Variants in LAMC1 observed in about 807,000 individuals in gnomAD.
LAMC1 encodes laminin subunit gamma 1.
Under a neutral mutation model 173.6 loss-of-function variants are expected in LAMC1, and 38 were observed. The observed-to-expected ratio is 0.22, with a 90% CI of 0.17 to 0.29. The LOEUF is 0.29. Among genes scored for constraint, LAMC1 ranks in the 10% least tolerant of loss-of-function variants. The probability of loss-of-function intolerance (pLI) is 1.00; values close to 1 mark genes in which losing one functional copy is unlikely to be tolerated. For missense variants in LAMC1, 1,824 were observed against 2,051.8 expected, an observed-to-expected ratio of 0.89 and a Z score of 2.14; for synonymous variants, 746 against 749.1, an observed-to-expected ratio of 1.00 and a Z score of 0.07.
chr1:183,123,175 G>T (rs958796802), intron 13 of LAMC1, among the ~76,000 whole-genome samples: 2 of 152,050 alleles, frequency 1.3e-5, no homozygotes, highest in African/African-American at 4.8e-5. Flanking sequence ...AAACCTTAGG[G>T]CCTATACTTG....
intron 1 of LAMC1, among the ~76,000 whole-genome samples, chr1:183,065,019 C>G (rs142996298): frequency 6.6e-6 from 1 of 152,188 alleles, no homozygotes; most frequent in East Asian, 1.9e-4. Context: ...TGTGCAAACT[C>G]CACAAAGACA....
chr1:183,061,167 A>G (rs1485178731), intron 1 of LAMC1, among the ~76,000 whole-genome samples: 2 of 152,198 alleles, frequency 1.3e-5, no homozygotes, highest in Admixed American at 1.3e-4. Flanking sequence ...CTGGCAAACC[A>G]GTTCACTTTT....
rs1654762960 is a variant in LAMC1, at chr1:183,062,336, G to A, written c.418+38202G>A. 3.9e-5 allele frequency among the ~76,000 whole-genome samples: 6 copies of A among 152,212 alleles called. No homozygotes were observed. In the South Asian group the frequency reaches 1.0e-3, roughly 26 times the overall value. On this transcript the variant is annotated intron_variant, in intron 1 of 27. Transcript: ENST00000258341. ...AATAGCTTTTTAAATAGTTTGTCTT[G>A]TAGTTTCAGGGCAGCATTTGATTAT...
intron 1 of LAMC1, among the ~76,000 whole-genome samples, chr1:183,087,825 T>G (rs1202908180): frequency 1.3e-5 from 2 of 151,962 alleles, no homozygotes; most frequent in African/African-American, 2.4e-5. Context: ...TCCTTTTTTT[T>G]TTTTTGAGAC....
chr1:183,069,672 C>G (rs1173772086), intron 1 of LAMC1, among the ~76,000 whole-genome samples: 1 of 152,200 alleles, frequency 6.6e-6, no homozygotes, highest in Non-Finnish European at 1.5e-5. Context: ...AGTCCCCCAA[C>G]TTAAAGAAAT....
rs1414115688 is a variant in LAMC1 at position 183,121,932 on chromosome 1, G to C, written c.2200G>C (p.Asp734His). The C allele has an allele frequency of 6.2e-7, 1 of 1,613,858 alleles. No individual in the cohort carries two copies. ...CACNGHSETCDPETGVCNCRD... is the reference protein window; with the variant it reads ...CACNGHSETCHPETGVCNCRD... Reference sequence around the variant, plus strand: ...CTGCAATGGACACAGCGAGACCTGTGATCCTGAGACAGGTGAGATGATCTT... The same window carrying C: ...CTGCAATGGACACAGCGAGACCTGTCATCCTGAGACAGGTGAGATGATCTT... The change falls in exon 12 of 28, where the codon GAT becomes CAT. Residue 734 changes from aspartate to histidine, a missense_variant. Asp to His is a moderately conservative substitution (Grantham distance 81, BLOSUM62 -1). Transcript: ENST00000258341.
At chr1:183,036,193 G>A (rs1292144234) in intron 1 of LAMC1, among the ~76,000 whole-genome samples, 2 of 151,024 alleles carry the variant, frequency 1.3e-5, no homozygotes, top group Non-Finnish European at 2.9e-5. Context: ...CCGCCTCCCG[G>A]CTTCAAGTGA....
intron 1 of LAMC1, among the ~76,000 whole-genome samples, chr1:183,061,680 T>C (rs1654749346): frequency 6.6e-6 from 1 of 152,262 alleles, no homozygotes; most frequent in Non-Finnish European, 1.5e-5. Context: ...TCAGTTTTGC[T>C]CTGTGAATTT....
At position 183,143,019 on chromosome 1, in the gene LAMC1, T is replaced by A. The variant is rs1657158526; in HGVS notation, c.*229T>A. The A allele has an allele frequency of 2.1e-6, 1 of 473,682 alleles. No homozygotes were observed. Among genetic ancestry groups the A allele is most frequent in the South Asian group, 2.5e-5 (1 of 40,046 alleles). The allele number at this position is 473,682 out of a possible 1,614,324, so 29.3% of individuals were successfully genotyped here. ...AAAGTGTCTCTTCCATTCACGTTGC[T>A]ACCTTACCCACACTTTCCCTTCTGA... On this transcript the variant is annotated 3_prime_UTR_variant, in exon 28 of 28. Coordinates refer to ENST00000258341, the MANE Select transcript of LAMC1 (RefSeq NM_002293.4).
At chr1:183,089,727 G>C (rs957347549) in intron 1 of LAMC1, among the ~76,000 whole-genome samples, 1 of 152,156 alleles carries the variant, frequency 6.6e-6, no homozygotes, top group Non-Finnish European at 1.5e-5. Flanking sequence ...ATGATTCTTT[G>C]TCGTGGCAGA....
chr1:183,041,882 A>G (rs1260287570), intron 1 of LAMC1, among the ~76,000 whole-genome samples: 1 of 152,194 alleles, frequency 6.6e-6, no homozygotes, highest in African/African-American at 2.4e-5. Flanking sequence ...CTTTGAGGCT[A>G]TGGACACAGA....
rs753920645 is a variant in LAMC1, at chr1:183,122,212, A to G, written c.2362A>G (p.Lys788Glu). The G allele has an allele frequency of 1.9e-6, 3 of 1,614,144 alleles. No individual in the cohort carries two copies. The highest frequency in any genetic ancestry group is 2.5e-6 in the Non-Finnish European group (3 of 1,180,024). ...AAGTTGTGCTGTTGTTCCCAAGACAAAGGAGGTGGTGTGCACCAACTGTCC... is the reference window on the plus strand; with the variant it reads ...AAGTTGTGCTGTTGTTCCCAAGACAGAGGAGGTGGTGTGCACCAACTGTCC... ...GSSCAVVPKT[K>E]EVVCTNCPTG... is the part of the protein sequence containing the mutation. The change falls in exon 13 of 28, where the codon AAG becomes GAG. Residue 788 changes from lysine (K) to glutamate (E), a missense_variant. Physicochemically the swap from Lys to Glu is moderately conservative, Grantham distance 56. Transcript: ENST00000258341.
In LAMC1 at chr1:183,082,222, C is replaced by T. The variant is rs542333577; in HGVS notation, c.419-21106C>T. Among the ~76,000 whole-genome samples, 11 of 152,266 alleles carry T rather than the reference C, an allele frequency of 7.2e-5. No individual in the cohort carries two copies. The East Asian group carries it at 2.1e-3, about 29-fold the overall frequency. On this transcript the variant is annotated intron_variant, in intron 1 of 27. Coordinates refer to ENST00000258341, the MANE Select transcript of LAMC1 (RefSeq NM_002293.4). ...ATCTGTATACATATTTTTGTGTGGA[C>T]ATACATTTTCAACTCAGTTGAGCAA...
At chr1:183,041,862 A>G (rs1183415080) in intron 1 of LAMC1, among the ~76,000 whole-genome samples, 1 of 152,184 alleles carries the variant, frequency 6.6e-6, no homozygotes, top group African/African-American at 2.4e-5. Flanking sequence ...GAATGAGTGA[A>G]TTTCTATTTC....
intron 11 of LAMC1, among the ~76,000 whole-genome samples, chr1:183,120,634 T>C (rs1020847129): frequency 6.6e-6 from 1 of 152,220 alleles, no homozygotes; most frequent in Non-Finnish European, 1.5e-5. Context: ...CTGAGGCCTA[T>C]ACCTCTCTGA....
intron 1 of LAMC1, among the ~76,000 whole-genome samples, chr1:183,049,045 C>G (rs1654341416): frequency 6.6e-6 from 1 of 152,170 alleles, no homozygotes; most frequent in Admixed American, 6.5e-5. Flanking sequence ...TTCTTTGCAT[C>G]TAATGTGTAC....
At chr1:183,057,257 A>G (rs953473622) in intron 1 of LAMC1, among the ~76,000 whole-genome samples, 1 of 152,246 alleles carries the variant, frequency 6.6e-6, no homozygotes, top group African/African-American at 2.4e-5. Context: ...ATATTCGTTT[A>G]TATTTCAAAG....
intron 11 of LAMC1, among the ~76,000 whole-genome samples, chr1:183,121,298 C>T (rs1026262282): frequency 6.6e-6 from 1 of 151,434 alleles, no homozygotes; most frequent in Non-Finnish European, 1.5e-5. Flanking sequence ...TGGTGGCATG[C>T]GCCTGTAATC....
intron 1 of LAMC1, among the ~76,000 whole-genome samples, chr1:183,030,586 T>C (rs551459480): frequency 7.9e-4 from 121 of 152,354 alleles, no homozygotes; most frequent in Admixed American, 2.1e-3. Context: ...TATATGTCAC[T>C]GTAATAGCTA....
Sources: gnomAD v4.1 joint callset for allele counts (sites outside exome capture counted in the v4.1 genomes callset) on GRCh38, gnomAD v4.1.1 for gene constraint, MANE v1.5 for transcripts, NCBI Gene and HGNC (gene_info 2026-07-23, HGNC 2026-07-21) for gene names.